The following CNPY3 variants were observed in gnomAD, a reference collection of about 807,000 sequenced individuals.
CNPY3 encodes protein canopy homolog 3.
CNPY3 carries 20 observed loss-of-function variants against 32.0 expected under a neutral mutation model. That is an observed-to-expected ratio of 0.63 (90% CI 0.44 to 0.91). The LOEUF is 0.91. Ranked by LOEUF, CNPY3 falls within the 40% of genes least tolerant of loss-of-function variation. The pLI is 0.00. For missense variants in CNPY3, 299 were observed against 340.8 expected (o/e 0.88, Z 0.97); for synonymous variants, 138 against 142.9 (o/e 0.97, Z 0.24).
chr6:42,933,284 A>G (rs1476975572), intron 1 of CNPY3, among the ~76,000 whole-genome samples: 2 of 152,132 alleles, frequency 1.3e-5, no homozygotes, highest in African/African-American at 4.8e-5. Context: ...CACTCTATAC[A>G]GTGGTAGTTA....
intron 2 of CNPY3, 93 bp downstream of exon 2, chr6:42,934,691 A>G: frequency 1.3e-6 from 2 of 1,547,522 alleles, no homozygotes; most frequent in South Asian, 1.2e-5. Context: ...CAAACCCCCT[A>G]CAAGGGCATC....
rs1256304767 is a variant in CNPY3 at position 42,938,836 on chromosome 6, G to A, written c.*45G>A. The A allele has an allele frequency of 6.6e-7, 1 of 1,517,338 alleles. No individual in the cohort carries two copies. Among genetic ancestry groups the A allele is most frequent in the Admixed American group, 2.0e-5 (1 of 49,800 alleles). 94.0% of individuals were successfully genotyped at this position (1,517,338 alleles called of 1,614,324 possible). A position where few individuals can be genotyped will look rare whatever the true frequency, so the allele number is the denominator to read the frequency against. On this transcript the variant is annotated 3_prime_UTR_variant, in exon 6 of 6. Coordinates refer to ENST00000372836, the MANE Select transcript of CNPY3 (RefSeq NM_006586.5). The stretch of plus-strand genomic sequence containing the variant: ...TCCTGAGACCCCTGATTTTGAAGCT[G>A]AGGAGTCAGGGGCATGGCTCTGGCA...
intron 1 of CNPY3, among the ~76,000 whole-genome samples, chr6:42,932,170 C>G (rs1767877997): frequency 6.6e-6 from 1 of 152,176 alleles, no homozygotes; most frequent in Non-Finnish European, 1.5e-5. Context: ...ATCTCTATAT[C>G]TAGAGATCAT....
Position 42,929,639 on chromosome 6 carries a change from G to A in CNPY3, c.69G>A (p.Leu23=). The A allele has an allele frequency of 1.3e-6, 2 of 1,555,244 alleles. No homozygotes were observed. The highest frequency in any genetic ancestry group is 1.7e-6 in the Non-Finnish European group (2 of 1,150,534). Residue 23 remains leucine (L), a synonymous_variant, in exon 1 of 6, where the codon CTG becomes CTA. Coordinates refer to ENST00000372836, the MANE Select transcript of CNPY3 (RefSeq NM_006586.5). ...LLLPLLLLLL[L]LLPAPELGPS... is the part of the protein sequence containing the mutation. ...TTCCCTTGCTGCTGCTGCTGCTGCT[G>A]CTGCTGCCGGCCCCGGAGCTGGGCC...
chr6:42,929,576 T>G lies in CNPY3; in HGVS notation c.6T>G (p.Asp2Glu), dbSNP rs566176543. M[D>E]SMPEPASRCL... The stretch of plus-strand genomic sequence containing the variant: ...GGTCCGGGCCCGGCCGGGCCATGGA[T>G]TCAATGCCTGAGCCCGCGTCCCGCT... Residue 2 changes from aspartate to glutamate, a missense_variant, in exon 1 of 6, where the codon GAT becomes GAG. Transcript: ENST00000372836. The G allele has an allele frequency of 1.3e-6, 2 of 1,577,130 alleles. No individual in the cohort carries two copies. Among genetic ancestry groups the G allele is most frequent in the Admixed American group, 3.7e-5 (2 of 54,242 alleles).
At chr6:42,932,257 T>TC (rs779420303) in intron 1 of CNPY3, among the ~76,000 whole-genome samples, 2 of 152,322 alleles carry the variant, frequency 1.3e-5, no homozygotes, top group East Asian at 3.9e-4. Flanking sequence ...CTTGGCAAAC[T>TC]CCAACCGTTA....
At position 42,929,685 on chromosome 6, in the gene CNPY3, G is replaced by A. The variant is rs963890660; in HGVS notation, c.115G>A (p.Glu39Lys). ...GGGCCCGAGCCAGGCCGGAGCTGAGGAGAACGACTGGGTTCGCCTGCCCAG... is the reference window on the plus strand; with the variant it reads ...GGGCCCGAGCCAGGCCGGAGCTGAGAAGAACGACTGGGTTCGCCTGCCCAG... The part of the protein sequence containing the change: ...ELGPSQAGAE[E>K]NDWVRLPSKC... The change falls in exon 1 of 6, where the codon GAG (glutamate) becomes AAG (lysine). Residue 39 changes from glutamate to lysine, a missense_variant. This residue lies in a region of CNPY3 where 88 missense variants were observed against 62.5 expected (regional missense o/e 1.41). Transcript: ENST00000372836. The A allele has an allele frequency of 7.7e-6, 12 of 1,551,178 alleles. No individual in the cohort carries two copies. The African/African-American group carries it at 1.2e-4, about 16-fold the overall frequency.
chr6:42,930,918 C>T (rs1767752054), intron 1 of CNPY3, among the ~76,000 whole-genome samples: 1 of 151,318 alleles, frequency 6.6e-6, no homozygotes, highest in African/African-American at 2.4e-5. Context: ...ATGAGACTGT[C>T]TGGCTCTGTT....
At chr6:42,937,641 C>T in intron 3 of CNPY3, 76 bp from the exon 4 acceptor site, 1 of 1,547,902 alleles carries the variant, frequency 6.5e-7, no homozygotes. Context: ...TAGCTGGGTT[C>T]TTAGCCACCA....
Position 42,938,899 on chromosome 6 carries a change from C to T in CNPY3, c.*108C>T. The T allele has an allele frequency of 6.9e-7, 1 of 1,444,046 alleles. No homozygotes were observed. Among genetic ancestry groups the T allele is most frequent in the Non-Finnish European group, 9.1e-7 (1 of 1,094,536 alleles). The allele number at this position is 1,444,046 out of a possible 1,614,324, so 89.5% of individuals were successfully genotyped here. On this transcript the variant is annotated 3_prime_UTR_variant, in exon 6 of 6. Coordinates refer to ENST00000372836, the MANE Select transcript of CNPY3 (RefSeq NM_006586.5). ...CCCGCAGCCTTCAGCCCCTCCTTGC[C>T]TTGGCTGTGCCCTCTTCTGCCAAGG...
chr6:42,938,302 G>GATCCTACAATGCCCTCTGGT, intron 5 of CNPY3, 95 bp downstream of exon 5: 1 of 962,800 alleles, frequency 1.0e-6, no homozygotes, highest in Non-Finnish European at 1.7e-6. Flanking sequence ...GGGCACCAGA[G>GATCCTACAATGCCCTCTGGT]GGCATTGTAG....
At chr6:42,935,428 G>C in intron 2 of CNPY3, 146 bp from the exon 3 acceptor site, 1 of 1,338,406 alleles carries the variant, frequency 7.5e-7, no homozygotes, top group Non-Finnish European at 9.7e-7. Flanking sequence ...AGATCCCCCA[G>C]ACCAGATGAC....
intron 3 of CNPY3, among the ~76,000 whole-genome samples, chr6:42,937,112 A>G (rs1207280668): frequency 6.6e-6 from 1 of 152,128 alleles, no homozygotes; most frequent in Non-Finnish European, 1.5e-5. Context: ...GCAGGTCTGG[A>G]TGATATGGGA....
chr6:42,931,370 G>T (rs1767802268), intron 1 of CNPY3, among the ~76,000 whole-genome samples: 1 of 146,658 alleles, frequency 6.8e-6, no homozygotes, highest in South Asian at 2.1e-4. Context: ...GAGCCACCGT[G>T]CCTGGCCTTT....
chr6:42,929,947 G>A (rs1381215907), intron 1 of CNPY3, among the ~76,000 whole-genome samples: 1 of 152,000 alleles, frequency 6.6e-6, no homozygotes, highest in African/African-American at 2.4e-5. Context: ...AGTAGTAGAT[G>A]CCATGATAGG....
At chr6:42,934,958 G>A (rs1768110126) in intron 2 of CNPY3, among the ~76,000 whole-genome samples, 1 of 152,116 alleles carries the variant, frequency 6.6e-6, no homozygotes, top group African/African-American at 2.4e-5. Context: ...TCTGCCTCCC[G>A]GGTTCAAGAG....
chr6:42,937,873 T>G lies in CNPY3; in HGVS notation c.495+34T>G, dbSNP rs200627376. 58 of 1,613,172 alleles carry G rather than the reference T, an allele frequency of 3.6e-5. No individual in the cohort carries two copies. In the African/African-American group the frequency reaches 7.1e-4, roughly 20 times the overall value. Reference sequence around the variant, plus strand: ...CCTTCAGCCCTTGGAAGGGTTGCTGTGCCCAGTGAGGGGCTGGTGGGGATT... The same window carrying G: ...CCTTCAGCCCTTGGAAGGGTTGCTGGGCCCAGTGAGGGGCTGGTGGGGATT... On this transcript the variant is annotated intron_variant, in intron 4 of 5. Transcript: ENST00000372836.
chr6:42,929,339 C>T, upstream of CNPY3: 1 of 554,380 alleles, frequency 1.8e-6, no homozygotes, highest in Non-Finnish European at 3.2e-6. Context: ...GATAGTCTTC[C>T]CATTAGCTAG....
intron 2 of CNPY3, among the ~76,000 whole-genome samples, chr6:42,935,023 C>A (rs1768114808): frequency 6.6e-6 from 1 of 152,102 alleles, no homozygotes; most frequent in African/African-American, 2.4e-5. Flanking sequence ...TGCCATCACG[C>A]CCAGCTAATT....
Sources: allele counts gnomAD v4.1 joint callset (sites outside exome capture counted in the v4.1 genomes callset), GRCh38; gene constraint gnomAD v4.1.1; regional missense constraint gnomAD v4.1.1; transcripts MANE v1.5; gene names NCBI Gene and HGNC (gene_info 2026-07-23, HGNC 2026-07-21).